ATXN1: variants seen among roughly 807,000 people sequenced by gnomAD.
ATXN1 encodes ataxin 1.
A neutral mutation model predicts 56.4 loss-of-function variants in ATXN1; 8 were observed. The ratio of observed to expected loss-of-function variants is 0.14; its 90% CI spans 0.08 to 0.26. The LOEUF (loss-of-function observed/expected upper bound fraction) is 0.26. Ranked by LOEUF, ATXN1 falls within the 10% of genes least tolerant of loss-of-function variation. The pLI is 1.00. For missense variants in ATXN1, 987 were observed against 1,106.5 expected (o/e 0.89, Z 1.53); for synonymous variants, 514 against 494.6 (o/e 1.04, Z -0.52).
At chr6:16,551,206 C>A (rs760047671) in intron 4 of ATXN1, among the ~76,000 whole-genome samples, 4 of 152,176 alleles carry the variant, frequency 2.6e-5, no homozygotes, top group Non-Finnish European at 5.9e-5. Context: ...CGGATCCCAG[C>A]GCTGTGAAGG....
chr6:16,479,826 T>G (rs759508031), intron 6 of ATXN1, among the ~76,000 whole-genome samples: 10 of 152,176 alleles, frequency 6.6e-5, no homozygotes, highest in Non-Finnish European at 5.9e-5. Flanking sequence ...TCTTTAGGCA[T>G]CCCAAGTTCT....
In ATXN1 at chr6:16,747,660, C is replaced by CA. The variant is rs3840419; in HGVS notation, c.-615+5572dup. Among the ~76,000 whole-genome samples the CA allele has an allele frequency of 4.1e-3, 455 of 110,886 alleles. 1 individual carries two copies. The highest frequency in any genetic ancestry group is 5.1e-3 in the East Asian group (23 of 4,514). The allele number at this position is 110,886 out of a possible 152,430, so 72.7% of individuals were successfully genotyped here. Reference sequence around the variant, plus strand: ...AAGCAAGAGATGTTGCCTTGAAGACCAAAAAAAAAAAAAACAAAAGTCCTC... The same window carrying CA: ...AAGCAAGAGATGTTGCCTTGAAGACCAAAAAAAAAAAAAAACAAAAGTCCTC... On this transcript the variant is annotated intron_variant, in intron 2 of 7. Coordinates refer to ENST00000436367, the MANE Select transcript of ATXN1 (RefSeq NM_001128164.2).
At chr6:16,661,463 A>T (rs1168172939) in intron 2 of ATXN1, among the ~76,000 whole-genome samples, 3 of 152,184 alleles carry the variant, frequency 2.0e-5, no homozygotes, top group African/African-American at 7.2e-5. Context: ...ATTTGGTCTG[A>T]TTGTCAGGAA....
chr6:16,491,183 T>G (rs1054939939), intron 5 of ATXN1, among the ~76,000 whole-genome samples: 12 of 136,302 alleles, frequency 8.8e-5, no homozygotes, highest in Non-Finnish European at 1.2e-4. Flanking sequence ...AACCTCTGAC[T>G]CCGAGTTCAA....
At chr6:16,316,560 C>T (rs1760512695) in intron 7 of ATXN1, among the ~76,000 whole-genome samples, 1 of 152,066 alleles carries the variant, frequency 6.6e-6, no homozygotes, top group South Asian at 2.1e-4. Context: ...GCCTGACCAA[C>T]ATGGTGAAAC....
At position 16,339,144 on chromosome 6, in the gene ATXN1, C is replaced by T. The variant is rs147722621; in HGVS notation, c.-160-10674G>A. On this transcript the variant is annotated intron_variant, in intron 6 of 7. Transcript: ENST00000436367. The stretch of plus-strand genomic sequence containing the variant: ...GCTGCCAGCTGTCTACCCGCACACA[C>T]ACTCACGAGCTTCACCACACAACAC... 6.2e-3 allele frequency among the ~76,000 whole-genome samples: 948 copies of T among 152,332 alleles called. 9 individuals carry two copies. Among genetic ancestry groups the T allele is most frequent in the Non-Finnish European group, 7.6e-3 (516 of 68,042 alleles).
chr6:16,580,577 C>G (rs1211947497), intron 4 of ATXN1, among the ~76,000 whole-genome samples: 3 of 152,110 alleles, frequency 2.0e-5, no homozygotes, highest in African/African-American at 7.2e-5. Flanking sequence ...AGAGTAAACA[C>G]AGATGATGGA....
intron 4 of ATXN1, among the ~76,000 whole-genome samples, chr6:16,554,220 G>A (rs1031230909): frequency 6.6e-6 from 1 of 152,208 alleles, no homozygotes; most frequent in African/African-American, 2.4e-5. Context: ...GGTATAACAA[G>A]TGATTCATGG....
intron 6 of ATXN1, among the ~76,000 whole-genome samples, chr6:16,389,075 G>A (rs141197223): frequency 0.091 from 13,828 of 152,158 alleles, 671 homozygotes; most frequent in Non-Finnish European, 0.12. Context: ...GGTGGCTCAC[G>A]CCTGTAATCC....
intron 5 of ATXN1, among the ~76,000 whole-genome samples, chr6:16,497,557 T>A (rs549044327): frequency 6.6e-6 from 1 of 152,336 alleles, no homozygotes; most frequent in South Asian, 2.1e-4. Context: ...CGTGTGACTT[T>A]CACTCTCCTA....
intron 3 of ATXN1, among the ~76,000 whole-genome samples, chr6:16,622,240 G>A (rs1763331413): frequency 6.6e-6 from 1 of 152,212 alleles, no homozygotes; most frequent in South Asian, 2.1e-4. Context: ...AAAAACTGAT[G>A]AGGGTGTTAT....
intron 4 of ATXN1, among the ~76,000 whole-genome samples, chr6:16,527,543 A>G (rs771090175): frequency 3.9e-5 from 6 of 152,220 alleles, no homozygotes; most frequent in Non-Finnish European, 7.3e-5. Flanking sequence ...ACCAAGGTCC[A>G]TAACCAATGG....
chr6:16,467,393 C>A (rs966624243), intron 6 of ATXN1, among the ~76,000 whole-genome samples: 4 of 152,194 alleles, frequency 2.6e-5, no homozygotes, highest in Admixed American at 2.6e-4. Flanking sequence ...ATCCACAAAC[C>A]AGAGGGACGC....
intron 4 of ATXN1, among the ~76,000 whole-genome samples, chr6:16,581,723 T>C (rs1762533466): frequency 6.6e-6 from 1 of 152,156 alleles, no homozygotes; most frequent in Non-Finnish European, 1.5e-5. Flanking sequence ...AATTATATAA[T>C]TAATCTCACT....
chr6:16,560,872 T>C (rs1187263545), intron 4 of ATXN1, among the ~76,000 whole-genome samples: 1 of 152,194 alleles, frequency 6.6e-6, no homozygotes, highest in Non-Finnish European at 1.5e-5. Flanking sequence ...CTGGCTGAAA[T>C]TCACAGGTAA....
intron 4 of ATXN1, among the ~76,000 whole-genome samples, chr6:16,558,734 G>A (rs762963460): frequency 9.9e-5 from 15 of 152,104 alleles, no homozygotes; most frequent in African/African-American, 2.2e-4. Flanking sequence ...TAATTACTGC[G>A]TAGAAGAGAC....
intron 6 of ATXN1, among the ~76,000 whole-genome samples, chr6:16,347,204 A>AC (rs1472170472): frequency 6.6e-6 from 1 of 152,150 alleles, no homozygotes; most frequent in Non-Finnish European, 1.5e-5. Flanking sequence ...CCCATCGACC[A>AC]CCCAAGGACT....
chr6:16,658,130 A>G (rs997853655), intron 2 of ATXN1, among the ~76,000 whole-genome samples: 2 of 152,204 alleles, frequency 1.3e-5, no homozygotes, highest in African/African-American at 2.4e-5. Flanking sequence ...AAAAACAAGC[A>G]TGACACTGGG....
Position 16,325,364 on chromosome 6 carries a change from C to T in ATXN1, c.1917+1030G>A, listed in dbSNP as rs185044873. Among the ~76,000 whole-genome samples the T allele has an allele frequency of 3.9e-5, 6 of 152,094 alleles. 1 individual carries two copies. The East Asian group carries it at 5.8e-4, about 15-fold the overall frequency. On this transcript the variant is annotated intron_variant, in intron 7 of 7. Coordinates refer to ENST00000436367, the MANE Select transcript of ATXN1 (RefSeq NM_001128164.2). ...AACTCCTGACCTCTGGTGATCCACC[C>T]GCCTCAGCCTCCCAAAGTGCTGGGA...
Sources: allele counts gnomAD v4.1 joint callset (sites outside exome capture counted in the v4.1 genomes callset), GRCh38; gene constraint gnomAD v4.1.1; transcripts MANE v1.5; gene names NCBI Gene and HGNC (gene_info 2026-07-23, HGNC 2026-07-21).